The following TANC1 variants were observed in gnomAD, a reference collection of about 807,000 sequenced individuals.
TANC1 encodes tetratricopeptide repeat, ankyrin repeat and coiled-coil containing 1.
TANC1 carries 77 observed loss-of-function variants against 149.7 expected under a neutral mutation model. That is an observed-to-expected ratio of 0.51 (90% CI 0.43 to 0.62). The LOEUF is 0.62. TANC1 is among the 20% of genes least tolerant of loss of function. The pLI is 0.00. For synonymous variants in TANC1, 854 were observed against 925.0 expected (o/e 0.92, Z 1.39); for missense variants, 1,985 against 2,321.8 (o/e 0.85, Z 2.98).
chr2:159,024,561 GC>G lies in TANC1; in HGVS notation c.-16+23374del, dbSNP rs201949426. 9.1e-3 allele frequency among the ~76,000 whole-genome samples: 1,384 copies of G among 152,194 alleles called. 18 individuals carry two copies. Among genetic ancestry groups the G allele is most frequent in the African/African-American group, 0.031 (1,279 of 41,508 alleles). On this transcript the variant is annotated intron_variant, in intron 2 of 26. Coordinates refer to ENST00000263635, the MANE Select transcript of TANC1 (RefSeq NM_033394.3). ...AGATCAGGAGTTCAACACCAGCCTGGCCAATATGGTGAAACCCCGTCTCTAC... is the reference window on the plus strand; with the variant it reads ...AGATCAGGAGTTCAACACCAGCCTGGCAATATGGTGAAACCCCGTCTCTAC...
At chr2:159,074,796 T>C (rs1327231592) in intron 3 of TANC1, among the ~76,000 whole-genome samples, 1 of 152,202 alleles carries the variant, frequency 6.6e-6, no homozygotes, top group Non-Finnish European at 1.5e-5. Context: ...CTCGCCATGC[T>C]GCACGCTTGA....
At chr2:159,180,486 T>C (rs1479913980) in intron 14 of TANC1, among the ~76,000 whole-genome samples, 3 of 152,290 alleles carry the variant, frequency 2.0e-5, no homozygotes, top group South Asian at 2.1e-4. Context: ...TTGGTGGGCA[T>C]TGAGGTTATG....
intron 4 of TANC1, among the ~76,000 whole-genome samples, chr2:159,109,118 A>G (rs2047470664): frequency 6.6e-6 from 1 of 152,176 alleles, no homozygotes; most frequent in Non-Finnish European, 1.5e-5. Context: ...GAGTAAGTTC[A>G]CCACCCTAAA....
chr2:159,005,891 G>A (rs1483605984), intron 2 of TANC1, among the ~76,000 whole-genome samples: 4 of 151,968 alleles, frequency 2.6e-5, no homozygotes, highest in Non-Finnish European at 5.9e-5. Context: ...TTAAGTAAAG[G>A]CCAAAAAATT....
intron 14 of TANC1, among the ~76,000 whole-genome samples, chr2:159,184,629 G>A (rs2056805629): frequency 3.9e-5 from 6 of 152,154 alleles, no homozygotes. Context: ...TCAGCCCATG[G>A]GTAGGACCTG....
At chr2:159,013,039 G>T (rs905572963) in intron 2 of TANC1, among the ~76,000 whole-genome samples, 2 of 152,096 alleles carry the variant, frequency 1.3e-5, no homozygotes, top group African/African-American at 2.4e-5. Flanking sequence ...ATTGGAGAAG[G>T]TCATAAACAA....
intron 2 of TANC1, among the ~76,000 whole-genome samples, chr2:159,024,196 A>G (rs2149442114): frequency 6.6e-6 from 1 of 152,316 alleles, no homozygotes; most frequent in East Asian, 1.9e-4. Context: ...TGGCATGTGT[A>G]TGCAATGGCA....
chr2:159,016,622 T>C lies in TANC1; in HGVS notation c.-16+15433T>C, dbSNP rs542840064. 6.0e-5 allele frequency among the ~76,000 whole-genome samples: 9 copies of C among 150,940 alleles called. No individual in the cohort carries two copies. The South Asian group carries it at 1.9e-3, about 32-fold the overall frequency. ...TGGAGTCTCGCTCTGTCACCCAGGG[T>C]GGAGTGCAGTGGTGTGATCTTGGCT... On this transcript the variant is annotated intron_variant, in intron 2 of 26. Transcript: ENST00000263635.
chr2:159,014,323 T>C (rs565700377), intron 2 of TANC1, among the ~76,000 whole-genome samples: 3 of 152,166 alleles, frequency 2.0e-5, no homozygotes, highest in Non-Finnish European at 4.4e-5. Flanking sequence ...AAACCCCTAA[T>C]AAAATGATAA....
At chr2:159,217,762 A>G in intron 20 of TANC1, 132 bp downstream of exon 20, 6 of 1,192,514 alleles carry the variant, frequency 5.0e-6, no homozygotes, top group African/African-American at 1.5e-5. Context: ...CTGCTGTGCC[A>G]TCAGGACTGC....
chr2:158,969,780 G>T (rs1278648089), intron 1 of TANC1, among the ~76,000 whole-genome samples: 2 of 152,372 alleles, frequency 1.3e-5, no homozygotes, highest in South Asian at 4.1e-4. Flanking sequence ...GAAACGCGGC[G>T]CTGCGGCCAA....
chr2:159,172,045 C>A, intron 10 of TANC1, 76 bp from the exon 11 acceptor site: 1 of 1,443,354 alleles, frequency 6.9e-7, no homozygotes, highest in Non-Finnish European at 9.5e-7. Context: ...TGCCCTGGCA[C>A]AAATCAAGAA....
chr2:159,057,171 T>C (rs2041916434), intron 2 of TANC1, among the ~76,000 whole-genome samples: 1 of 152,170 alleles, frequency 6.6e-6, no homozygotes, highest in South Asian at 2.1e-4. Flanking sequence ...CAAACGATCC[T>C]CCCAAAGTGC....
intron 1 of TANC1, among the ~76,000 whole-genome samples, chr2:158,983,359 C>T (rs900654594): frequency 2.7e-5 from 4 of 149,552 alleles, no homozygotes; most frequent in Admixed American, 6.7e-5. Context: ...CCCAGCTACT[C>T]GGGAGGCTGA....
chr2:159,010,965 G>A (rs1010489000), intron 2 of TANC1, among the ~76,000 whole-genome samples: 2 of 152,084 alleles, frequency 1.3e-5, no homozygotes, highest in African/African-American at 2.4e-5. Context: ...TGAGTCCGTT[G>A]TGAAGAGCTG....
At chr2:159,041,376 C>G (rs935166699) in intron 2 of TANC1, among the ~76,000 whole-genome samples, 1 of 152,186 alleles carries the variant, frequency 6.6e-6, no homozygotes, top group African/African-American at 2.4e-5. Context: ...TTCAGCTGTG[C>G]CCTTCCCCCA....
chr2:159,230,560 G>T lies in TANC1; in HGVS notation c.5134G>T (p.Gly1712Cys). Residue 1712 changes from glycine to cysteine, a missense_variant, in exon 27 of 27, where the codon GGT (glycine) becomes TGT (cysteine). Physicochemically the swap from Gly to Cys is radical, Grantham distance 159. Transcript: ENST00000263635. This position sits in a 1 kb window ranked among gnomAD's most constrained non-coding sequence, Gnocchi z 4.4. Reference sequence around the variant, plus strand: ...CAAGGTTGTAACCCACGTTCAGAGCGGTACAGCTGAGCACAGACCCCGCAA... The same window carrying T: ...CAAGGTTGTAACCCACGTTCAGAGCTGTACAGCTGAGCACAGACCCCGCAA... ...KDKVVTHVQS[G>C]TAEHRPRNTP... The T allele has an allele frequency of 1.2e-6, 2 of 1,614,196 alleles. No homozygotes were observed. The highest frequency in any genetic ancestry group is 8.5e-7 in the Non-Finnish European group (1 of 1,180,044).
At chr2:159,166,150 G>C (rs2054579057) in intron 8 of TANC1, among the ~76,000 whole-genome samples, 1 of 152,086 alleles carries the variant, frequency 6.6e-6, no homozygotes, top group Non-Finnish European at 1.5e-5. Context: ...AGCCTTTAAA[G>C]GTATGTTTTA....
rs200025349 is a variant in TANC1 at position 159,199,013 on chromosome 2, A to T, written c.3204A>T (p.Glu1068Asp). ...QCLLGMEKEH[E>D]VEVNGTDTLW... is the part of the protein sequence containing the mutation. ...TGCTGGGGATGGAGAAGGAACATGA[A>T]GTAGAAGTCAATGGCACCGACACAT... The change falls in exon 19 of 27, where the codon GAA becomes GAT. Residue 1068 changes from glutamate to aspartate, a missense_variant. Physicochemically the swap from Glu to Asp is conservative, Grantham distance 45. Around this residue, in one of 3 missense-constraint regions of TANC1, gnomAD observed 920 missense variants for 994.7 expected, o/e 0.92. Coordinates refer to ENST00000263635, the MANE Select transcript of TANC1 (RefSeq NM_033394.3). The T allele has an allele frequency of 2.9e-4, 476 of 1,613,976 alleles. No homozygotes were observed. Among genetic ancestry groups the T allele is most frequent in the Non-Finnish European group, 3.9e-4 (459 of 1,179,982 alleles).
Sources: allele counts gnomAD v4.1 joint callset (sites outside exome capture counted in the v4.1 genomes callset), GRCh38; gene constraint gnomAD v4.1.1; regional missense constraint gnomAD v4.1.1; non-coding constraint Gnocchi (gnomAD v3.1); transcripts MANE v1.5; gene names NCBI Gene and HGNC (gene_info 2026-07-23, HGNC 2026-07-21).